LDLRAD3: variants seen among roughly 807,000 people sequenced by gnomAD.
The protein encoded by LDLRAD3 is low-density lipoprotein receptor class A domain-containing protein 3.
LDLRAD3 carries 20 observed loss-of-function variants against 29.4 expected under a neutral mutation model. The ratio of observed to expected loss-of-function variants is 0.68; its 90% CI spans 0.48 to 0.99. The LOEUF (loss-of-function observed/expected upper bound fraction) is 0.99. Ranked by LOEUF, LDLRAD3 falls within the 50% of genes least tolerant of loss-of-function variation. The pLI, the probability that LDLRAD3 is intolerant of heterozygous loss-of-function variation, is 0.00. For synonymous variants in LDLRAD3, 157 were observed against 192.7 expected (o/e 0.81, Z 1.53); for missense variants, 420 against 454.3 (o/e 0.92, Z 0.69).
Position 36,231,105 on chromosome 11 carries a change from A to G in LDLRAD3, c.*1708A>G, listed in dbSNP as rs1855569863. On this transcript the variant is annotated 3_prime_UTR_variant, in exon 6 of 6. Coordinates refer to ENST00000315571, the MANE Select transcript of LDLRAD3 (RefSeq NM_174902.4). ...GAGCCACTCCGGGCAGCTGTCACCC[A>G]TTCAGAACTTCTTTCCGCAGCTGAA... 6.5e-6 allele frequency: 1 copy of G among 152,688 alleles called. No homozygotes were observed. Among genetic ancestry groups the G allele is most frequent in the Non-Finnish European group, 1.5e-5 (1 of 68,064 alleles). The allele number at this position is 152,688 out of a possible 1,614,324, so 9.5% of individuals were successfully genotyped here.
intron 4 of LDLRAD3, among the ~76,000 whole-genome samples, chr11:36,193,720 A>G (rs1387294191): frequency 1.3e-5 from 2 of 152,060 alleles, no homozygotes; most frequent in African/African-American, 4.8e-5. Flanking sequence ...TACCCTCCTC[A>G]TTCCTTTATG....
rs370713527 is a variant in LDLRAD3 at position 35,972,989 on chromosome 11, G to A, written c.46+28845G>A. Among the ~76,000 whole-genome samples, 12 of 148,722 alleles carry A rather than the reference G, an allele frequency of 8.1e-5. No individual in the cohort carries two copies. The South Asian group carries it at 2.6e-3, about 32-fold the overall frequency. On this transcript the variant is annotated intron_variant, in intron 1 of 5. Transcript: ENST00000315571. ...AATCACTTGAACCCGGGAGGCAGAG[G>A]TTGCAGTGAGCCTAGATTGCACCAT...
At chr11:36,006,484 T>C (rs1188903869) in intron 1 of LDLRAD3, among the ~76,000 whole-genome samples, 1 of 152,194 alleles carries the variant, frequency 6.6e-6, no homozygotes, top group East Asian at 1.9e-4. Context: ...TGAATGGATG[T>C]GTGATGGTGG....
intron 2 of LDLRAD3, among the ~76,000 whole-genome samples, chr11:36,079,814 C>G (rs1053695162): frequency 6.6e-6 from 1 of 152,152 alleles, no homozygotes; most frequent in Non-Finnish European, 1.5e-5. Context: ...CAATTGTTCT[C>G]CCCGACTTGG....
intron 2 of LDLRAD3, among the ~76,000 whole-genome samples, chr11:36,045,690 T>C (rs1055598085): frequency 6.6e-6 from 1 of 151,174 alleles, no homozygotes; most frequent in Non-Finnish European, 1.5e-5. Context: ...GCTGTTCTCA[T>C]GATAGTGAAT....
chr11:36,187,472 T>C (rs766105496), intron 4 of LDLRAD3, among the ~76,000 whole-genome samples: 4 of 152,208 alleles, frequency 2.6e-5, no homozygotes, highest in African/African-American at 7.2e-5. Flanking sequence ...TGGCACTACA[T>C]AGAGCACTGC....
At position 36,176,646 on chromosome 11, in the gene LDLRAD3, C is replaced by G. The variant is rs553904698; in HGVS notation, c.455-50439C>G. ...TAATCAGGCTAAAGCTAGGACCACT[C>G]CCTTCTAGCCTGCAGGGTTTCTGCT... On this transcript the variant is annotated intron_variant, in intron 4 of 5. Transcript: ENST00000315571. Among the ~76,000 whole-genome samples, 4 of 152,254 alleles carry G rather than the reference C, an allele frequency of 2.6e-5. No individual in the cohort carries two copies. The South Asian group carries it at 8.3e-4, about 32-fold the overall frequency.
At chr11:36,195,553 T>G (rs901784275) in intron 4 of LDLRAD3, among the ~76,000 whole-genome samples, 50 of 152,122 alleles carry the variant, frequency 3.3e-4, no homozygotes, top group Admixed American at 3.1e-3. Flanking sequence ...GCTCAGAGTA[T>G]AGAAAGAACA....
intron 4 of LDLRAD3, among the ~76,000 whole-genome samples, chr11:36,187,155 T>C (rs1182316795): frequency 1.3e-5 from 2 of 152,082 alleles, no homozygotes; most frequent in African/African-American, 2.4e-5. Flanking sequence ...GATCCTAGGG[T>C]TTTTTTTACT....
intron 4 of LDLRAD3, among the ~76,000 whole-genome samples, chr11:36,100,204 C>G (rs1450317761): frequency 6.6e-6 from 1 of 152,138 alleles, no homozygotes; most frequent in Non-Finnish European, 1.5e-5. Context: ...CTGAGCTCCA[C>G]CATTCTACAG....
At chr11:36,190,712 A>G (rs1854928097) in intron 4 of LDLRAD3, among the ~76,000 whole-genome samples, 1 of 152,180 alleles carries the variant, frequency 6.6e-6, no homozygotes, top group Non-Finnish European at 1.5e-5. Flanking sequence ...TTTCAGACAG[A>G]AAAGAGCCCA....
At chr11:36,115,072 A>C (rs1339648503) in intron 4 of LDLRAD3, among the ~76,000 whole-genome samples, 1 of 152,182 alleles carries the variant, frequency 6.6e-6, no homozygotes, top group Non-Finnish European at 1.5e-5. Context: ...CACCATGTGA[A>C]TGTGGTGCCC....
At chr11:35,954,377 C>T (rs1350893314) in intron 1 of LDLRAD3, among the ~76,000 whole-genome samples, 5 of 152,162 alleles carry the variant, frequency 3.3e-5, no homozygotes, top group Non-Finnish European at 7.3e-5. Flanking sequence ...CTTCTCTTTT[C>T]CTGTGTGACT....
intron 1 of LDLRAD3, among the ~76,000 whole-genome samples, chr11:36,022,671 G>T (rs1277531912): frequency 2.6e-5 from 4 of 152,088 alleles, no homozygotes; most frequent in Non-Finnish European, 4.4e-5. Context: ...CAGTGTATGG[G>T]CTCCAGGGCT....
chr11:36,041,902 A>C (rs1373967388), intron 2 of LDLRAD3, among the ~76,000 whole-genome samples: 1 of 152,052 alleles, frequency 6.6e-6, no homozygotes, highest in Non-Finnish European at 1.5e-5. Flanking sequence ...AGGAGGGATA[A>C]ATTTGAGGAC....
intron 4 of LDLRAD3, among the ~76,000 whole-genome samples, chr11:36,138,117 G>A (rs1204257181): frequency 6.6e-6 from 1 of 152,218 alleles, no homozygotes; most frequent in Non-Finnish European, 1.5e-5. Context: ...ACACCAGCAG[G>A]CTGTCCTCTG....
intron 2 of LDLRAD3, among the ~76,000 whole-genome samples, chr11:36,066,755 T>C (rs544723148): frequency 3.9e-5 from 6 of 152,346 alleles, no homozygotes; most frequent in Admixed American, 1.3e-4. Context: ...CGAAGAATAT[T>C]ATGGGCTTGT....
chr11:36,071,516 A>G (rs538601096), intron 2 of LDLRAD3, among the ~76,000 whole-genome samples: 80 of 152,376 alleles, frequency 5.3e-4, no homozygotes, highest in Non-Finnish European at 8.7e-4. Flanking sequence ...ATACATAGAC[A>G]CAGTAAAGTT....
chr11:36,208,235 C>T (rs866953214), intron 4 of LDLRAD3, among the ~76,000 whole-genome samples: 2 of 152,154 alleles, frequency 1.3e-5, no homozygotes, highest in African/African-American at 2.4e-5. Flanking sequence ...ACAACCTGAG[C>T]AACAAAATAA....
Sources: allele counts gnomAD v4.1 joint callset (sites outside exome capture counted in the v4.1 genomes callset), GRCh38; gene constraint gnomAD v4.1.1; transcripts MANE v1.5; gene names NCBI Gene and HGNC (gene_info 2026-07-23, HGNC 2026-07-21).